Variants in SLC22A3 observed in about 807,000 individuals in gnomAD.
SLC22A3 encodes the protein EMT organic cation transporter 3.
A neutral mutation model predicts 59.1 loss-of-function variants in SLC22A3; 51 were observed. The observed-to-expected ratio is 0.86, with a 90% CI of 0.69 to 1.09. The LOEUF is 1.09. Among genes scored for constraint, SLC22A3 ranks in the 50% least tolerant of loss-of-function variants. The pLI, the probability that SLC22A3 is intolerant of heterozygous loss-of-function variation, is 0.00. For missense variants in SLC22A3, 711 were observed against 726.3 expected, an observed-to-expected ratio of 0.98 and a Z score of 0.24; for synonymous variants, 325 against 292.0, an observed-to-expected ratio of 1.11 and a Z score of -1.15.
At chr6:160,429,784 C>A (rs1198328331) in intron 5 of SLC22A3, among the ~76,000 whole-genome samples, 2 of 151,730 alleles carry the variant, frequency 1.3e-5, no homozygotes, top group African/African-American at 4.8e-5. Context: ...ATCCACAGTT[C>A]CAAATCAACA....
At chr6:160,356,477 T>A (rs2114742455) in intron 1 of SLC22A3, among the ~76,000 whole-genome samples, 1 of 152,288 alleles carries the variant, frequency 6.6e-6, no homozygotes, top group East Asian at 1.9e-4. Flanking sequence ...TTCCCAGCTG[T>A]CCTGGCACCA....
chr6:160,389,059 C>T (rs987570006), intron 1 of SLC22A3, among the ~76,000 whole-genome samples: 1 of 152,058 alleles, frequency 6.6e-6, no homozygotes, highest in Non-Finnish European at 1.5e-5. Context: ...CTCTTGGGCT[C>T]CCAAAGAGGT....
At chr6:160,449,801 C>T (rs990576498) in intron 10 of SLC22A3, among the ~76,000 whole-genome samples, 13 of 152,146 alleles carry the variant, frequency 8.5e-5, no homozygotes, top group Admixed American at 4.6e-4. Context: ...AGCTGGGCCG[C>T]TGGGGGTGAC....
rs186596504 is a variant in SLC22A3 at position 160,374,284 on chromosome 6, C to T, written c.430-23695C>T. 4.4e-3 allele frequency among the ~76,000 whole-genome samples: 669 copies of T among 152,294 alleles called. 4 individuals carry two copies. The highest frequency in any genetic ancestry group is 5.8e-3 in the Non-Finnish European group (392 of 68,026). ...GGGAGTTCCTCAACCCCTTGCACTT[C>T]CTGGGTGAGGCAATGTCCCACCCTG... On this transcript the variant is annotated intron_variant, in intron 1 of 10. Transcript: ENST00000275300.
intron 1 of SLC22A3, among the ~76,000 whole-genome samples, chr6:160,390,082 T>C (rs1324237467): frequency 3.3e-5 from 5 of 152,230 alleles, no homozygotes; most frequent in Non-Finnish European, 5.9e-5. Flanking sequence ...TCACCACTTA[T>C]AATGTATACT....
At chr6:160,450,818 C>CCTGT (rs112803471) in intron 10 of SLC22A3, among the ~76,000 whole-genome samples, 178 bp from the exon 11 acceptor site, 127,747 of 151,734 alleles carry the variant, frequency 0.84, 53,962 homozygotes, top group East Asian at 1. Context: ...CTGCAACACC[C>CCTGT]CTAAGGTCTG....
chr6:160,389,464 C>T (rs775893963), intron 1 of SLC22A3, among the ~76,000 whole-genome samples: 27 of 152,148 alleles, frequency 1.8e-4, no homozygotes, highest in African/African-American at 4.8e-5. Context: ...TTCTTGTTCA[C>T]AGTGGGGAGG....
chr6:160,352,515 A>G (rs562738959), intron 1 of SLC22A3, among the ~76,000 whole-genome samples: 8 of 148,240 alleles, frequency 5.4e-5, no homozygotes, highest in African/African-American at 1.9e-4. Context: ...GGTATGGATG[A>G]AAAAAAAAGA....
chr6:160,381,479 A>G (rs1233603662), intron 1 of SLC22A3, among the ~76,000 whole-genome samples: 3 of 152,264 alleles, frequency 2.0e-5, no homozygotes, highest in Non-Finnish European at 4.4e-5. Flanking sequence ...CACTGTGCAC[A>G]ACTCTAATTA....
chr6:160,435,431 G>A (rs921016640), intron 5 of SLC22A3, among the ~76,000 whole-genome samples: 3 of 152,186 alleles, frequency 2.0e-5, no homozygotes, highest in African/African-American at 4.8e-5. Flanking sequence ...ATGTGTCTTG[G>A]TATAGAAGAA....
intron 1 of SLC22A3, among the ~76,000 whole-genome samples, chr6:160,379,699 T>C (rs554120157): frequency 6.6e-6 from 1 of 152,240 alleles, no homozygotes; most frequent in South Asian, 2.1e-4. Flanking sequence ...CAAGGAGCTA[T>C]GACTCATGCT....
In SLC22A3 at chr6:160,408,931, T is replaced by C; in HGVS notation, c.857+10T>C. On this transcript the variant is annotated intron_variant, in intron 4 of 10. Transcript: ENST00000275300. ...TCCTCCTTTATTACTGGTAATGTGG[T>C]TTTGGTTATCATCATATTTATACTG... is the stretch of plus-strand genomic sequence containing the variant. 1.9e-6 allele frequency: 3 copies of C among 1,612,694 alleles called. No individual in the cohort carries two copies. The highest frequency in any genetic ancestry group is 2.5e-6 in the Non-Finnish European group (3 of 1,179,144).
At chr6:160,355,789 AACAACAAC>A (rs1238072609) in intron 1 of SLC22A3, among the ~76,000 whole-genome samples, 1 of 139,220 alleles carries the variant, frequency 7.2e-6, no homozygotes, top group Non-Finnish European at 1.6e-5. Flanking sequence ...CAACAACAAC[AACAACAAC>A]AAAAAACTTG....
intron 5 of SLC22A3, chr6:160,425,980 A>G: frequency 2.0e-6 from 2 of 985,430 alleles, no homozygotes; most frequent in South Asian, 9.4e-5. Context: ...AATCTCATCT[A>G]TCTCTAAATG....
intron 9 of SLC22A3, among the ~76,000 whole-genome samples, chr6:160,446,292 A>G (rs990021210): frequency 1.3e-5 from 2 of 152,226 alleles, no homozygotes; most frequent in South Asian, 2.1e-4. Context: ...GCATGGTCCT[A>G]TGCTGGTGCT....
At chr6:160,373,877 C>T (rs915402016) in intron 1 of SLC22A3, among the ~76,000 whole-genome samples, 2 of 152,186 alleles carry the variant, frequency 1.3e-5, no homozygotes, top group African/African-American at 2.4e-5. Context: ...TCGAGTGTCC[C>T]AGGTCGATTT....
At chr6:160,351,555 AT>A (rs1784661606) in intron 1 of SLC22A3, among the ~76,000 whole-genome samples, 1 of 152,196 alleles carries the variant, frequency 6.6e-6, no homozygotes, top group African/African-American at 2.4e-5. Flanking sequence ...CATAGCTAAT[AT>A]TTTGCTGTCT....
chr6:160,380,953 C>A (rs902454284), intron 1 of SLC22A3, among the ~76,000 whole-genome samples: 1 of 152,154 alleles, frequency 6.6e-6, no homozygotes, highest in African/African-American at 2.4e-5. Context: ...TGATAGAGAA[C>A]AGCTGGAAGC....
At chr6:160,448,750 A>G (rs1788842372) in intron 10 of SLC22A3, among the ~76,000 whole-genome samples, 1 of 152,180 alleles carries the variant, frequency 6.6e-6, no homozygotes, top group South Asian at 2.1e-4. Flanking sequence ...TACAAGATGT[A>G]AAATATTAAT....
Sources: gnomAD v4.1 joint callset for allele counts (sites outside exome capture counted in the v4.1 genomes callset) on GRCh38, gnomAD v4.1.1 for gene constraint, MANE v1.5 for transcripts, NCBI Gene and HGNC (gene_info 2026-07-23, HGNC 2026-07-21) for gene names.